Variants in TYRP1 observed in about 807,000 individuals in gnomAD.
TYRP1 encodes tyrosinase related protein 1.
TYRP1 carries 49 observed loss-of-function variants against 42.8 expected under a neutral mutation model. That is an observed-to-expected ratio of 1.14 (90% CI 0.91 to 1.45). The LOEUF (loss-of-function observed/expected upper bound fraction) is 1.45. Among genes scored for constraint, TYRP1 ranks in the 40% most tolerant of loss-of-function variants. The probability of loss-of-function intolerance (pLI) is 0.00; values close to 1 mark genes in which losing one functional copy is unlikely to be tolerated. For synonymous variants in TYRP1, 279 were observed against 235.4 expected (o/e 1.19, Z -1.69); for missense variants, 848 against 662.0 (o/e 1.28, Z -3.08).
intron 3 of TYRP1, 47 bp from the exon 4 acceptor site, chr9:12,698,404 A>C (rs752702724): frequency 1.3e-6 from 2 of 1,551,202 alleles, no homozygotes; most frequent in East Asian, 2.2e-5. Flanking sequence ...AGAAATGAAT[A>C]ATTGTAAACA....
At chr9:12,702,830 T>A (rs1172540681) in intron 5 of TYRP1, among the ~76,000 whole-genome samples, 2 of 151,956 alleles carry the variant, frequency 1.3e-5, no homozygotes, top group Admixed American at 6.6e-5. Context: ...ATAAAAAAAA[T>A]TCCAAACAAT....
intron 6 of TYRP1, 121 bp from the exon 7 acceptor site, chr9:12,707,876 G>GTAAAA: frequency 1.1e-6 from 1 of 937,720 alleles, no homozygotes; most frequent in African/African-American, 1.7e-5. Flanking sequence ...TTTATTCAGT[G>GTAAAA]TAAAATAAGA....
At chr9:12,699,811 G>C (rs537543815) in intron 4 of TYRP1, among the ~76,000 whole-genome samples, 28 of 152,076 alleles carry the variant, frequency 1.8e-4, no homozygotes, top group African/African-American at 6.7e-4. Flanking sequence ...ATTGTATTTT[G>C]GCCTGAGAGT....
Position 12,708,087 on chromosome 9 carries a change from A to G in TYRP1, c.1352A>G (p.Glu451Gly). ...VPFWPPVTNT[E>G]MFVTAPDNLG... ...TTCTGGCCCCCAGTCACCAACACAG[A>G]AATGTTTGTTACTGCTCCAGACAAC... The change falls in exon 7 of 8, where the codon GAA becomes GGA. Residue 451 changes from glutamate to glycine, a missense_variant. Coordinates refer to ENST00000388918, the MANE Select transcript of TYRP1 (RefSeq NM_000550.3). The G allele has an allele frequency of 1.2e-6, 2 of 1,612,902 alleles. No individual in the cohort carries two copies. Among genetic ancestry groups the G allele is most frequent in the African/African-American group, 2.7e-5 (2 of 74,970 alleles).
chr9:12,708,973 A>G lies in TYRP1; in HGVS notation c.1409-4A>G. On this transcript the variant is annotated splice_region_variant and splice_polypyrimidine_tract_variant and intron_variant, in intron 7 of 7. Transcript: ENST00000388918. The stretch of plus-strand genomic sequence containing the variant: ...TTTTTATTTTTATCTTCCTTTCCAA[A>G]TAGGTCGGGAGTTTAGTGTACCTGA... The G allele has an allele frequency of 1.2e-6, 2 of 1,611,546 alleles. No individual in the cohort carries two copies. Among genetic ancestry groups the G allele is most frequent in the Non-Finnish European group, 1.7e-6 (2 of 1,178,426 alleles).
Position 12,710,013 on chromosome 9 carries a change from T to G in TYRP1, c.*831T>G, listed in dbSNP as rs1243584946. ...GCTCTATAAATAGTATTCCAATCAC[T>G]GTGCTTAATTTAAATAGCATTATCT... On this transcript the variant is annotated 3_prime_UTR_variant, in exon 8 of 8. Transcript: ENST00000388918. 1 of 151,854 alleles carries G rather than the reference T, an allele frequency of 6.6e-6. No individual in the cohort carries two copies. Among genetic ancestry groups the G allele is most frequent in the East Asian group, 1.9e-4 (1 of 5,166 alleles). The allele number at this position is 151,854 out of a possible 1,614,324, so 9.4% of individuals were successfully genotyped here.
intron 7 of TYRP1, among the ~76,000 whole-genome samples, chr9:12,708,624 T>C (rs1219422692): frequency 6.6e-6 from 1 of 151,942 alleles, no homozygotes; most frequent in Non-Finnish European, 1.5e-5. Context: ...TTAAATCTTT[T>C]CCCCAACAAA....
At chr9:12,696,367 G>A (rs781290088) in intron 3 of TYRP1, among the ~76,000 whole-genome samples, 4 of 151,792 alleles carry the variant, frequency 2.6e-5, no homozygotes, top group South Asian at 2.1e-4. Context: ...ATTTTTCCAC[G>A]TTCCCTACCC....
rs142791319 is a variant in TYRP1, at chr9:12,698,753, A to G, written c.913+98A>G. On this transcript the variant is annotated intron_variant, in intron 4 of 7. Transcript: ENST00000388918. ...CCCTTCATTCTACTAGAGAATTCAG[A>G]CTAAAATCTACTTTTATTATAGAGT... The G allele has an allele frequency of 4.6e-4, 510 of 1,106,942 alleles. 2 individuals are homozygous for G. The African/African-American group carries it at 7.2e-3, about 16-fold the overall frequency. 68.6% of individuals were successfully genotyped at this position (1,106,942 alleles called of 1,614,324 possible).
At position 12,704,641 on chromosome 9, in the gene TYRP1, T is replaced by A. The variant is rs904987627; in HGVS notation, c.1197T>A (p.Ile399=). 5 of 1,613,080 alleles carry A rather than the reference T, an allele frequency of 3.1e-6. No individual in the cohort carries two copies. In the African/African-American group the frequency reaches 6.7e-5, roughly 22 times the overall value. The change falls in exon 6 of 8, where the codon ATT becomes ATA. Residue 399 remains isoleucine, a synonymous_variant. Transcript: ENST00000388918. The stretch of plus-strand genomic sequence containing the variant: ...CCCATTTGTCTCCAAATGATCCTAT[T>A]TTTGTCCTCCTGCACACCTTCACAG... ...GQTHLSPNDP[I]FVLLHTFTDA...
intron 3 of TYRP1, among the ~76,000 whole-genome samples, 200 bp downstream of exon 3, chr9:12,696,037 T>C (rs1818074855): frequency 6.6e-6 from 1 of 152,172 alleles, no homozygotes; most frequent in Admixed American, 6.6e-5. Flanking sequence ...GAAGTGAAAA[T>C]AAAGCAAAAT....
rs1301620771 is a variant in TYRP1 at position 12,708,219 on chromosome 9, G to A, written c.1408+76G>A. ...GTTATCTTTCAAGTAGAGTAATCAC[G>A]GTATTCTGAAGCTATGTTTTCCATT... On this transcript the variant is annotated intron_variant, in intron 7 of 7. Coordinates refer to ENST00000388918, the MANE Select transcript of TYRP1 (RefSeq NM_000550.3). The A allele has an allele frequency of 3.1e-5, 48 of 1,541,746 alleles. No homozygotes were observed. The East Asian group carries it at 7.2e-4, about 23-fold the overall frequency.
chr9:12,708,953 A>AT (rs71329876), intron 7 of TYRP1, 24 bp from the exon 8 acceptor site: 1 of 1,554,216 alleles, frequency 6.4e-7, no homozygotes, highest in Non-Finnish European at 8.8e-7. Context: ...TTGTCTTTTT[A>AT]TTTTTATCTT....
chr9:12,697,015 A>G (rs576086445), intron 3 of TYRP1, among the ~76,000 whole-genome samples: 1 of 152,316 alleles, frequency 6.6e-6, no homozygotes, highest in Non-Finnish European at 1.5e-5. Flanking sequence ...TTTTGAAAGT[A>G]CACTATCCAT....
chr9:12,700,160 A>G (rs889653141), intron 4 of TYRP1: 2 of 152,100 alleles, frequency 1.3e-5, no homozygotes, highest in Non-Finnish European at 2.9e-5. Flanking sequence ...TATGAAATGC[A>G]TTGATATAGT....
Position 12,704,619 on chromosome 9 carries a change from A to G in TYRP1, c.1175A>G (p.His392Arg), listed in dbSNP as rs1818228773. Reference sequence around the variant, plus strand: ...CTGAATGGAACAGGGGGACAAACCCATTTGTCTCCAAATGATCCTATTTTT... The same window carrying G: ...CTGAATGGAACAGGGGGACAAACCCGTTTGTCTCCAAATGATCCTATTTTT... The part of the protein sequence containing the change: ...LFLNGTGGQT[H>R]LSPNDPIFVL... The change falls in exon 6 of 8, where the codon CAT becomes CGT. Residue 392 changes from histidine (H) to arginine (R), a missense_variant. Physicochemically the swap from His to Arg is conservative, Grantham distance 29 (BLOSUM62 0). Coordinates refer to ENST00000388918, the MANE Select transcript of TYRP1 (RefSeq NM_000550.3). The G allele has an allele frequency of 6.2e-7, 1 of 1,613,008 alleles. No homozygotes were observed. The highest frequency in any genetic ancestry group is 2.2e-5 in the East Asian group (1 of 44,824).
chr9:12,707,300 A>T (rs894344764), intron 6 of TYRP1, among the ~76,000 whole-genome samples: 1 of 151,972 alleles, frequency 6.6e-6, no homozygotes, highest in South Asian at 2.1e-4. Flanking sequence ...ATTATTTTCA[A>T]ATCTACTATT....
At chr9:12,700,865 T>C (rs1818155847) in intron 4 of TYRP1, among the ~76,000 whole-genome samples, 1 of 152,070 alleles carries the variant, frequency 6.6e-6, no homozygotes, top group Non-Finnish European at 1.5e-5. Context: ...GTACACTCAA[T>C]AAATAGTTTC....
At chr9:12,697,700 A>G (rs975404515) in intron 3 of TYRP1, among the ~76,000 whole-genome samples, 8 of 152,192 alleles carry the variant, frequency 5.3e-5, no homozygotes, top group African/African-American at 1.9e-4. Flanking sequence ...ACCGAATGAA[A>G]TAAGCATGTG....
Sources: allele counts gnomAD v4.1 joint callset (sites outside exome capture counted in the v4.1 genomes callset), GRCh38; gene constraint gnomAD v4.1.1; transcripts MANE v1.5; gene names NCBI Gene and HGNC (gene_info 2026-07-23, HGNC 2026-07-21).